AUTS2: variants seen among roughly 807,000 people sequenced by gnomAD.
AUTS2 encodes the protein activator of transcription and developmental regulator AUTS2.
In AUTS2, 17 loss-of-function variants were observed where a neutral mutation model predicts 112.4. The ratio of observed to expected loss-of-function variants is 0.15; its 90% CI spans 0.10 to 0.23. AUTS2 has a LOEUF of 0.23. AUTS2 is among the 10% of genes least tolerant of loss of function. AUTS2 has a pLI of 1.00. For synonymous variants in AUTS2, 751 were observed against 702.7 expected (o/e 1.07, Z -1.09); for missense variants, 1,510 against 1,701.6 (o/e 0.89, Z 1.98).
chr7:69,903,934 A>G (rs960939680), intron 2 of AUTS2, among the ~76,000 whole-genome samples: 1 of 152,208 alleles, frequency 6.6e-6, no homozygotes, highest in African/African-American at 2.4e-5. Context: ...CTCTCTGAAA[A>G]TCCAGTATGG....
intron 5 of AUTS2, among the ~76,000 whole-genome samples, chr7:70,647,650 G>A (rs1239265843): frequency 6.6e-6 from 1 of 152,086 alleles, no homozygotes; most frequent in Non-Finnish European, 1.5e-5. Flanking sequence ...GTGTTTTCTG[G>A]GACTTGCACT....
At chr7:69,927,512 C>T (rs1211599454) in intron 2 of AUTS2, among the ~76,000 whole-genome samples, 1 of 152,166 alleles carries the variant, frequency 6.6e-6, no homozygotes, top group African/African-American at 2.4e-5. Flanking sequence ...CAGCCAGAAA[C>T]CTCTGTGGCC....
chr7:70,786,352 T>C (rs1369025319), intron 17 of AUTS2, among the ~76,000 whole-genome samples: 1 of 152,200 alleles, frequency 6.6e-6, no homozygotes, highest in African/African-American at 2.4e-5. Flanking sequence ...TGGCTGCAGC[T>C]CACATTACAA....
At chr7:70,079,613 T>C (rs1173990011) in intron 2 of AUTS2, among the ~76,000 whole-genome samples, 1 of 152,180 alleles carries the variant, frequency 6.6e-6, no homozygotes, top group African/African-American at 2.4e-5. Flanking sequence ...ATTTTACTAA[T>C]ATCCATGACC....
intron 2 of AUTS2, among the ~76,000 whole-genome samples, chr7:70,048,895 G>A (rs999841459): frequency 1.3e-5 from 2 of 152,156 alleles, no homozygotes; most frequent in Non-Finnish European, 2.9e-5. Flanking sequence ...AGCAAAAATA[G>A]GATCTATCTG....
intron 5 of AUTS2, among the ~76,000 whole-genome samples, chr7:70,497,192 TCA>T (rs776733837): frequency 1.7e-3 from 76 of 44,530 alleles, no homozygotes; most frequent in African/African-American, 6.8e-3. Flanking sequence ...CACACACACC[TCA>T]CACACATGCA....
At chr7:70,012,557 GCTT>G (rs1192289832) in intron 2 of AUTS2, among the ~76,000 whole-genome samples, 1 of 152,056 alleles carries the variant, frequency 6.6e-6, no homozygotes, top group Non-Finnish European at 1.5e-5. Context: ...CTCATCTCCT[GCTT>G]CTTATTTCCT....
intron 3 of AUTS2, among the ~76,000 whole-genome samples, chr7:70,127,715 G>T (rs13228123): frequency 0.3 from 45,564 of 151,990 alleles, 7,127 homozygotes; most frequent in African/African-American, 0.38. Flanking sequence ...ATGGATCAAA[G>T]TCTTATGAGT....
chr7:70,532,194 G>A (rs772573310), intron 5 of AUTS2, among the ~76,000 whole-genome samples: 17 of 152,176 alleles, frequency 1.1e-4, no homozygotes, highest in Non-Finnish European at 2.1e-4. Context: ...GCTTCAGCTT[G>A]TATCGCGTTG....
intron 5 of AUTS2, among the ~76,000 whole-genome samples, chr7:70,510,323 A>G (rs1265481229): frequency 6.6e-6 from 1 of 152,182 alleles, no homozygotes; most frequent in Non-Finnish European, 1.5e-5. Context: ...TTCTCATTCC[A>G]TTAGATTTTC....
At chr7:70,748,364 C>T (rs925869064) in intron 6 of AUTS2, among the ~76,000 whole-genome samples, 2 of 152,090 alleles carry the variant, frequency 1.3e-5, no homozygotes, top group Admixed American at 6.6e-5. Context: ...TAGACTTGTC[C>T]TTTAAAAAAG....
intron 1 of AUTS2, among the ~76,000 whole-genome samples, chr7:69,894,166 C>T (rs1323450513): frequency 1.3e-5 from 2 of 151,556 alleles, no homozygotes; most frequent in African/African-American, 2.4e-5. Context: ...CTTTTTGCCT[C>T]TCAGCCAGCC....
Position 70,631,812 on chromosome 7 carries a change from G to A in AUTS2, c.691-66757G>A, listed in dbSNP as rs748866543. Among the ~76,000 whole-genome samples, 6 of 152,102 alleles carry A rather than the reference G, an allele frequency of 3.9e-5. No individual in the cohort carries two copies. Among genetic ancestry groups the A allele is most frequent in the Admixed American group, 6.5e-5 (1 of 15,284 alleles). On this transcript the variant is annotated intron_variant, in intron 5 of 18. Coordinates refer to ENST00000342771, the MANE Select transcript of AUTS2 (RefSeq NM_015570.4). The surrounding 1 kb of genome is among the most constrained non-coding windows in gnomAD (Gnocchi z 4.5). Reference sequence around the variant, plus strand: ...TGACAGCATCTCCAGCCCCGCGCCCGTGTGTGCTAACTTGCTAGGGGGCAG... The same window carrying A: ...TGACAGCATCTCCAGCCCCGCGCCCATGTGTGCTAACTTGCTAGGGGGCAG...
chr7:69,796,533 A>G (rs1022096330), intron 1 of AUTS2, among the ~76,000 whole-genome samples: 5 of 151,986 alleles, frequency 3.3e-5, no homozygotes, highest in Non-Finnish European at 5.9e-5. Context: ...CAAAAAAAAA[A>G]AAAAAGAAAA....
At chr7:70,692,248 G>T (rs945132076) in intron 5 of AUTS2, among the ~76,000 whole-genome samples, 2 of 152,208 alleles carry the variant, frequency 1.3e-5, no homozygotes, top group African/African-American at 4.8e-5. Flanking sequence ...AGTGGTTTCA[G>T]CTGGTCAGCT....
At chr7:70,594,442 A>T (rs895271677) in intron 5 of AUTS2, among the ~76,000 whole-genome samples, 3 of 152,164 alleles carry the variant, frequency 2.0e-5, no homozygotes, top group Non-Finnish European at 4.4e-5. Context: ...AGAACCGGTG[A>T]TTTGATAGCA....
At chr7:69,935,765 G>T (rs1428547860) in intron 2 of AUTS2, among the ~76,000 whole-genome samples, 1 of 152,162 alleles carries the variant, frequency 6.6e-6, no homozygotes, top group East Asian at 1.9e-4. Flanking sequence ...TTTGTACCCA[G>T]AGTTGAGAAT....
At chr7:70,384,467 G>T (rs145277272) in intron 4 of AUTS2, among the ~76,000 whole-genome samples, 3 of 152,318 alleles carry the variant, frequency 2.0e-5, no homozygotes, top group South Asian at 2.1e-4. Flanking sequence ...TGGATGACAA[G>T]CCACTCCTTC....
intron 5 of AUTS2, among the ~76,000 whole-genome samples, chr7:70,441,212 C>G (rs565437768): frequency 1.3e-5 from 2 of 152,192 alleles, no homozygotes; most frequent in Admixed American, 1.3e-4. Context: ...AGTTTTTTCT[C>G]TCTGTGCTGT....
Sources: allele counts gnomAD v4.1 joint callset (sites outside exome capture counted in the v4.1 genomes callset), GRCh38; gene constraint gnomAD v4.1.1; non-coding constraint Gnocchi (gnomAD v3.1); transcripts MANE v1.5; gene names NCBI Gene and HGNC (gene_info 2026-07-23, HGNC 2026-07-21).